The following ELL2 variants were observed in gnomAD, a reference collection of about 807,000 sequenced individuals.
ELL2 encodes elongation factor for RNA polymerase II 2.
A neutral mutation model predicts 72.8 loss-of-function variants in ELL2; 21 were observed. That is an observed-to-expected ratio of 0.29 (90% CI 0.20 to 0.42). ELL2 has a LOEUF of 0.42. Ranked by LOEUF, ELL2 falls within the 10% of genes least tolerant of loss-of-function variation. The pLI, the probability that ELL2 is intolerant of heterozygous loss-of-function variation, is 1.00. For missense variants in ELL2, 568 were observed against 772.8 expected (o/e 0.73, Z 3.14); for synonymous variants, 266 against 283.2 (o/e 0.94, Z 0.61).
At chr5:95,920,137 C>T (rs1749993782) in intron 2 of ELL2, among the ~76,000 whole-genome samples, 1 of 152,052 alleles carries the variant, frequency 6.6e-6, no homozygotes, top group East Asian at 1.9e-4. Context: ...CATTATACAT[C>T]CTCATGTTTA....
intron 1 of ELL2, among the ~76,000 whole-genome samples, chr5:95,956,473 T>A (rs1580543346): frequency 6.6e-6 from 1 of 152,242 alleles, no homozygotes; most frequent in African/African-American, 2.4e-5. Flanking sequence ...CAAACCTCAC[T>A]GTTTTACTTA....
At chr5:95,911,608 A>T (rs1312499137) in intron 4 of ELL2, among the ~76,000 whole-genome samples, 2 of 152,196 alleles carry the variant, frequency 1.3e-5, no homozygotes, top group Non-Finnish European at 2.9e-5. Context: ...GGCCTCCCAA[A>T]GTGCTAAGAT....
chr5:95,944,572 C>T (rs1751084844), intron 1 of ELL2, among the ~76,000 whole-genome samples: 1 of 152,102 alleles, frequency 6.6e-6, no homozygotes, highest in Non-Finnish European at 1.5e-5. Context: ...CGAAAAATGC[C>T]ACCCCCAAAC....
intron 9 of ELL2, 95 bp from the exon 10 acceptor site, chr5:95,891,369 G>A: frequency 7.6e-7 from 1 of 1,307,386 alleles, no homozygotes; most frequent in East Asian, 2.4e-5. Flanking sequence ...TTAGATCCAT[G>A]CATGTGTCAC....
At chr5:95,896,065 T>C (rs751754753) in intron 8 of ELL2, among the ~76,000 whole-genome samples, 39 of 152,180 alleles carry the variant, frequency 2.6e-4, no homozygotes, top group Non-Finnish European at 4.7e-4. Flanking sequence ...TACATCAACA[T>C]CTACTTTTCA....
chr5:95,897,655 A>G (rs1268914774), intron 8 of ELL2, among the ~76,000 whole-genome samples: 1 of 152,342 alleles, frequency 6.6e-6, no homozygotes, highest in Non-Finnish European at 1.5e-5. Context: ...AAATTGGGGG[A>G]AAAACCCCTA....
At chr5:95,916,423 G>C (rs1323459936) in intron 3 of ELL2, among the ~76,000 whole-genome samples, 1 of 152,176 alleles carries the variant, frequency 6.6e-6, no homozygotes, top group Non-Finnish European at 1.5e-5. Context: ...AAGACCACAT[G>C]AGACTGAAAA....
At chr5:95,954,101 AAC>A (rs1466468755) in intron 1 of ELL2, among the ~76,000 whole-genome samples, 7 of 152,210 alleles carry the variant, frequency 4.6e-5, no homozygotes, top group Non-Finnish European at 7.3e-5. Context: ...ATCCAAATAA[AAC>A]AGTTTATATA....
At chr5:95,956,666 T>C (rs1055113259) in intron 1 of ELL2, among the ~76,000 whole-genome samples, 1 of 152,040 alleles carries the variant, frequency 6.6e-6, no homozygotes, top group Non-Finnish European at 1.5e-5. Flanking sequence ...TAAACTATAA[T>C]GAATCAAATG....
chr5:95,902,793 A>AT (rs985915800), intron 5 of ELL2, among the ~76,000 whole-genome samples: 5 of 151,742 alleles, frequency 3.3e-5, no homozygotes, highest in Admixed American at 6.6e-5. Flanking sequence ...ACTCTTTTTC[A>AT]TTTTTTGAGA....
At chr5:95,958,689 T>C (rs1481072221) in intron 1 of ELL2, among the ~76,000 whole-genome samples, 1 of 152,160 alleles carries the variant, frequency 6.6e-6, no homozygotes, top group East Asian at 1.9e-4. Context: ...ACCACCAGTT[T>C]TGCAGGAGAA....
chr5:95,916,784 A>G (rs1408684467), intron 3 of ELL2, among the ~76,000 whole-genome samples: 1 of 149,426 alleles, frequency 6.7e-6, no homozygotes, highest in Non-Finnish European at 1.5e-5. Context: ...GAATGCTGAG[A>G]GAGGGGAAGG....
At chr5:95,944,062 C>T (rs1268203472) in intron 1 of ELL2, among the ~76,000 whole-genome samples, 1 of 152,130 alleles carries the variant, frequency 6.6e-6, no homozygotes, top group African/African-American at 2.4e-5. Context: ...CTCATCTCTA[C>T]CCCAAATAAA....
chr5:95,924,641 G>A (rs943011459), intron 2 of ELL2, among the ~76,000 whole-genome samples: 3 of 151,982 alleles, frequency 2.0e-5, no homozygotes, highest in Non-Finnish European at 4.4e-5. Flanking sequence ...ACCATGTCTC[G>A]GCAACTGGAA....
intron 3 of ELL2, among the ~76,000 whole-genome samples, chr5:95,918,493 G>A (rs1466861054): frequency 6.6e-6 from 1 of 152,164 alleles, no homozygotes; most frequent in Non-Finnish European, 1.5e-5. Flanking sequence ...GGAGGATAAA[G>A]GTAAAACTCT....
chr5:95,890,688 T>C (rs1345153409), intron 10 of ELL2, among the ~76,000 whole-genome samples: 2 of 152,342 alleles, frequency 1.3e-5, no homozygotes, highest in South Asian at 2.1e-4. Context: ...CCTATGTTTG[T>C]ATCTTCCCTA....
At chr5:95,952,910 G>A (rs1361952596) in intron 1 of ELL2, among the ~76,000 whole-genome samples, 1 of 152,178 alleles carries the variant, frequency 6.6e-6, no homozygotes, top group Non-Finnish European at 1.5e-5. Flanking sequence ...AGGCAAAGGA[G>A]AATGAGAAAG....
At chr5:95,948,429 C>CAAAAAAAAAAAAAAAA (rs1187881368) in intron 1 of ELL2, among the ~76,000 whole-genome samples, 16 of 35,224 alleles carry the variant, frequency 4.5e-4, no homozygotes, top group Middle Eastern at 0.022. Context: ...GACTCCGCCT[C>CAAAAAAAAAAAAAAAA]AAAAAAAAAA....
chr5:95,951,411 A>ATAAAT lies in ELL2; in HGVS notation c.148-8363_148-8362insATTTA, dbSNP rs59858317. ...AATAAATAAATAAATAAATAAATCA[A>ATAAAT]CAACACTTGAAGCATAGTATTCCAC... On this transcript the variant is annotated intron_variant, in intron 1 of 11. Coordinates refer to ENST00000237853, the MANE Select transcript of ELL2 (RefSeq NM_012081.6). Among the ~76,000 whole-genome samples, 121 of 151,494 alleles carry ATAAAT rather than the reference A, an allele frequency of 8.0e-4. 1 individual carries two copies. The highest frequency in any genetic ancestry group is 7.0e-3 in the East Asian group (36 of 5,128).
Sources: gnomAD v4.1 joint callset for allele counts (sites outside exome capture counted in the v4.1 genomes callset) on GRCh38, gnomAD v4.1.1 for gene constraint, MANE v1.5 for transcripts, NCBI Gene and HGNC (gene_info 2026-07-23, HGNC 2026-07-21) for gene names.